The following PLCB1 variants were observed in gnomAD, a reference collection of about 807,000 sequenced individuals.
The protein encoded by PLCB1 is 1-phosphatidylinositol 4,5-bisphosphate phosphodiesterase beta-1.
A neutral mutation model predicts 161.8 loss-of-function variants in PLCB1; 46 were observed. The observed-to-expected ratio is 0.28, with a 90% CI of 0.22 to 0.36. The LOEUF is 0.36. Among genes scored for constraint, PLCB1 ranks in the 10% least tolerant of loss-of-function variants. The pLI is 1.00. For synonymous variants in PLCB1, 517 were observed against 503.7 expected (o/e 1.03, Z -0.35); for missense variants, 1,016 against 1,472.5 (o/e 0.69, Z 5.07).
intron 25 of PLCB1, 122 bp downstream of exon 25, chr20:8,760,582 A>G: frequency 1.6e-6 from 1 of 637,808 alleles, no homozygotes; most frequent in African/African-American, 1.9e-5. Flanking sequence ...TTCTTCTTCT[A>G]AAAAATCTAG....
chr20:8,378,478 A>T (rs1189752260), intron 3 of PLCB1, among the ~76,000 whole-genome samples: 1 of 152,268 alleles, frequency 6.6e-6, no homozygotes, highest in Non-Finnish European at 1.5e-5. Flanking sequence ...TTATTTTTAG[A>T]CATAATTTTA....
At chr20:8,510,565 A>G (rs1205961129) in intron 3 of PLCB1, among the ~76,000 whole-genome samples, 4 of 150,238 alleles carry the variant, frequency 2.7e-5, no homozygotes, top group African/African-American at 4.9e-5. Context: ...TTTTTTTTGT[A>G]TTTTTAGTAG....
intron 31 of PLCB1, among the ~76,000 whole-genome samples, chr20:8,817,088 C>T (rs1985117054): frequency 6.6e-6 from 1 of 152,144 alleles, no homozygotes; most frequent in Non-Finnish European, 1.5e-5. Context: ...CACCTGTTTC[C>T]CTCTGCCATA....
intron 3 of PLCB1, among the ~76,000 whole-genome samples, chr20:8,505,399 G>A (rs1983598291): frequency 6.6e-6 from 1 of 152,142 alleles, no homozygotes; most frequent in African/African-American, 2.4e-5. Context: ...AATGGATAAT[G>A]GATACTGGTT....
intron 12 of PLCB1, among the ~76,000 whole-genome samples, chr20:8,715,087 C>A (rs773330993): frequency 4.6e-5 from 7 of 152,170 alleles, no homozygotes; most frequent in Non-Finnish European, 8.8e-5. Context: ...AGTACAGTCA[C>A]AGTCCTGCTA....
rs990536521 is a variant in PLCB1, at chr20:8,657,253, C to T, written c.664C>T (p.Arg222Ter). ...YRVFLNNLCP[R>*]PEIDNIFSEF... ...AGTTTTCCTCAACAACCTTTGCCCT[C>T]GACCTGAAATTGATAACATCTTTTC... is the stretch of plus-strand genomic sequence containing the variant. Residue 222 changes from arginine (R) to a stop codon, truncating the protein, a stop_gained, in exon 8 of 32, where the codon CGA becomes TGA. Transcript: ENST00000338037. LOFTEE classifies it high-confidence loss of function. 1 of 1,606,256 alleles carries T rather than the reference C, an allele frequency of 6.2e-7. No homozygotes were observed. Among genetic ancestry groups the T allele is most frequent in the African/African-American group, 1.3e-5 (1 of 74,702 alleles).
At chr20:8,423,132 A>G (rs1979610580) in intron 3 of PLCB1, among the ~76,000 whole-genome samples, 1 of 152,142 alleles carries the variant, frequency 6.6e-6, no homozygotes, top group South Asian at 2.1e-4. Flanking sequence ...TCCTTCTTTA[A>G]GATGATCTTA....
At chr20:8,318,455 C>CA (rs936715070) in intron 2 of PLCB1, among the ~76,000 whole-genome samples, 17 of 151,168 alleles carry the variant, frequency 1.1e-4, no homozygotes, top group African/African-American at 4.1e-4. Flanking sequence ...TTGCCCCCCC[C>CA]CTTTTTCTTT....
At chr20:8,757,324 TAATG>T (rs1981790941) in intron 24 of PLCB1, 146 bp downstream of exon 24, 1 of 749,692 alleles carries the variant, frequency 1.3e-6, no homozygotes, top group East Asian at 2.7e-5. Flanking sequence ...AATGTGCAAT[TAATG>T]AATGAAAGCC....
Position 8,262,919 on chromosome 20 carries a change from T to C in PLCB1, c.178-108463T>C, listed in dbSNP as rs1425908515. On this transcript the variant is annotated intron_variant, in intron 2 of 31. Coordinates refer to ENST00000338037, the MANE Select transcript of PLCB1 (RefSeq NM_015192.4). The stretch of plus-strand genomic sequence containing the variant: ...TCTTTTTACAAGGGCTCTAACTCCA[T>C]CATGAGGGTCCCCCTCTGATGACCT... Among the ~76,000 whole-genome samples, 3 of 152,296 alleles carry C rather than the reference T, an allele frequency of 2.0e-5. No individual in the cohort carries two copies. The East Asian group carries it at 5.8e-4, about 29-fold the overall frequency.
intron 3 of PLCB1, among the ~76,000 whole-genome samples, chr20:8,605,815 G>A (rs1321688995): frequency 6.6e-6 from 1 of 151,942 alleles, no homozygotes; most frequent in African/African-American, 2.4e-5. Flanking sequence ...CACATGAGGA[G>A]TCCCCAGTGT....
At chr20:8,747,576 A>G (rs1981236021) in intron 23 of PLCB1, among the ~76,000 whole-genome samples, 1 of 152,186 alleles carries the variant, frequency 6.6e-6, no homozygotes, top group South Asian at 2.1e-4. Flanking sequence ...TCTGACTCAC[A>G]TGTTCTTGTG....
At chr20:8,594,435 T>TG (rs376881500) in intron 3 of PLCB1, among the ~76,000 whole-genome samples, 29 of 152,258 alleles carry the variant, frequency 1.9e-4, no homozygotes, top group Admixed American at 6.5e-4. Context: ...TTGCAAGTCA[T>TG]TGGGGATCTG....
chr20:8,592,524 A>G (rs1357676951), intron 3 of PLCB1, among the ~76,000 whole-genome samples: 1 of 152,216 alleles, frequency 6.6e-6, no homozygotes, highest in Admixed American at 6.5e-5. Context: ...GTTCTGGGCA[A>G]TGCTTACAGG....
chr20:8,540,212 C>T (rs1985253769), intron 3 of PLCB1, among the ~76,000 whole-genome samples: 1 of 152,028 alleles, frequency 6.6e-6, no homozygotes, highest in African/African-American at 2.4e-5. Flanking sequence ...TTGAAGTTCT[C>T]ATTTAGTTTT....
chr20:8,583,889 C>T (rs1986907666), intron 3 of PLCB1, among the ~76,000 whole-genome samples: 1 of 152,102 alleles, frequency 6.6e-6, no homozygotes, highest in Non-Finnish European at 1.5e-5. Flanking sequence ...ACATGCTGAA[C>T]CATTCCTCTC....
rs1325345377 is a variant in PLCB1, at chr20:8,501,703, C to G, written c.247-126591C>G. On this transcript the variant is annotated intron_variant, in intron 3 of 31. Coordinates refer to ENST00000338037, the MANE Select transcript of PLCB1 (RefSeq NM_015192.4). ...CCATATCTTGGCCTGAGGCACAACT[C>G]TTCTATGGAGTTGAGTTTCCTGTAA... is the stretch of plus-strand genomic sequence containing the variant. 5.3e-5 allele frequency among the ~76,000 whole-genome samples: 8 copies of G among 152,076 alleles called. No individual in the cohort carries two copies. In the East Asian group the frequency reaches 1.5e-3, roughly 29 times the overall value.
intron 4 of PLCB1, among the ~76,000 whole-genome samples, chr20:8,642,730 T>C (rs1454806969): frequency 6.6e-6 from 1 of 152,200 alleles, no homozygotes; most frequent in Non-Finnish European, 1.5e-5. Flanking sequence ...ACACAGAGAA[T>C]TTTTAGGGCA....
intron 3 of PLCB1, among the ~76,000 whole-genome samples, chr20:8,523,498 A>C (rs7273244): frequency 0.21 from 10,639 of 51,152 alleles, 931 homozygotes; most frequent in East Asian, 0.46. Context: ...CTCTCTCTCT[A>C]TATATATATA....
Sources: allele counts gnomAD v4.1 joint callset (sites outside exome capture counted in the v4.1 genomes callset), GRCh38; gene constraint gnomAD v4.1.1; transcripts MANE v1.5; gene names NCBI Gene and HGNC (gene_info 2026-07-23, HGNC 2026-07-21).